Variants in PRKCE observed in about 807,000 individuals in gnomAD.
PRKCE encodes the protein protein kinase C epsilon, also known as protein kinase C epsilon type.
PRKCE carries 16 observed loss-of-function variants against 85.4 expected under a neutral mutation model. The observed-to-expected ratio is 0.19, with a 90% CI of 0.13 to 0.28. The LOEUF (loss-of-function observed/expected upper bound fraction) is 0.28, where lower values mean the gene tolerates loss of function less well. Ranked by LOEUF, PRKCE falls within the 10% of genes least tolerant of loss-of-function variation. PRKCE has a pLI of 1.00. For synonymous variants in PRKCE, 388 were observed against 371.5 expected (o/e 1.04, Z -0.51); for missense variants, 573 against 975.2 (o/e 0.59, Z 5.49).
At chr2:45,709,250 G>A (rs1679395046) in intron 1 of PRKCE, among the ~76,000 whole-genome samples, 1 of 152,232 alleles carries the variant, frequency 6.6e-6, no homozygotes, top group Non-Finnish European at 1.5e-5. Flanking sequence ...AGCATACCGG[G>A]CAGACCCAGC....
chr2:46,105,585 G>A (rs1429492963), intron 11 of PRKCE, among the ~76,000 whole-genome samples: 1 of 151,804 alleles, frequency 6.6e-6, no homozygotes, highest in Non-Finnish European at 1.5e-5. Flanking sequence ...TGACTTTTGG[G>A]AACACTTCCA....
intron 12 of PRKCE, among the ~76,000 whole-genome samples, chr2:46,149,619 A>C (rs1558504535): frequency 6.6e-6 from 1 of 151,244 alleles, no homozygotes; most frequent in South Asian, 2.1e-4. Context: ...TTTTAAAGGC[A>C]TACTGTAAAA....
intron 2 of PRKCE, among the ~76,000 whole-genome samples, chr2:45,963,918 G>A (rs1036442085): frequency 6.6e-6 from 1 of 152,242 alleles, no homozygotes; most frequent in Non-Finnish European, 1.5e-5. Flanking sequence ...GTGCAGGCAC[G>A]TACCTTTGAG....
intron 6 of PRKCE, among the ~76,000 whole-genome samples, chr2:45,992,184 G>A (rs1186773084): frequency 6.6e-6 from 1 of 152,130 alleles, no homozygotes; most frequent in African/African-American, 2.4e-5. Context: ...AATGCCACAG[G>A]AGTGCTTTGG....
intron 10 of PRKCE, among the ~76,000 whole-genome samples, chr2:46,036,118 C>T (rs1344981171): frequency 6.6e-6 from 1 of 152,166 alleles, no homozygotes; most frequent in Non-Finnish European, 1.5e-5. Context: ...GTGTCCCTGG[C>T]AGATCGAGTG....
chr2:45,695,840 G>C (rs1318734909), intron 1 of PRKCE, among the ~76,000 whole-genome samples: 1 of 152,222 alleles, frequency 6.6e-6, no homozygotes, highest in Non-Finnish European at 1.5e-5. Flanking sequence ...ATGGGGAAGA[G>C]GGTGGAGAGC....
At chr2:45,761,683 G>A (rs1684515747) in intron 1 of PRKCE, among the ~76,000 whole-genome samples, 1 of 152,000 alleles carries the variant, frequency 6.6e-6, no homozygotes, top group South Asian at 2.1e-4. Context: ...CTCCTCTCTG[G>A]CCACAGTCTT....
chr2:46,118,930 T>C (rs1003824510), intron 11 of PRKCE, among the ~76,000 whole-genome samples: 1 of 152,112 alleles, frequency 6.6e-6, no homozygotes, highest in South Asian at 2.1e-4. Flanking sequence ...CTGCAACAGA[T>C]GGAGCAAAAG....
intron 3 of PRKCE, chr2:45,978,707 T>C (rs1466162031): frequency 2.5e-6 from 1 of 394,024 alleles, no homozygotes; most frequent in African/African-American, 2.1e-5. Flanking sequence ...AGAACATTGC[T>C]GACCACACAG....
At chr2:46,066,403 T>C (rs1037394238) in intron 10 of PRKCE, among the ~76,000 whole-genome samples, 3 of 152,154 alleles carry the variant, frequency 2.0e-5, no homozygotes, top group South Asian at 2.1e-4. Flanking sequence ...TGAAAATAGA[T>C]AGGTAGAGGT....
intron 10 of PRKCE, among the ~76,000 whole-genome samples, chr2:46,020,918 C>T (rs1706596941): frequency 6.6e-6 from 1 of 152,224 alleles, no homozygotes; most frequent in African/African-American, 2.4e-5. Context: ...ATCAATCTTA[C>T]CCAAGTCCCA....
intron 12 of PRKCE, among the ~76,000 whole-genome samples, chr2:46,148,836 G>C (rs1448606979): frequency 6.6e-6 from 1 of 152,228 alleles, no homozygotes; most frequent in African/African-American, 2.4e-5. Flanking sequence ...GTTGGGCGCT[G>C]TGTCTTTTGA....
intron 1 of PRKCE, chr2:45,701,407 C>T (rs1572986985): frequency 6.6e-6 from 1 of 152,130 alleles, no homozygotes; most frequent in African/African-American, 2.4e-5. Context: ...CCTTTACTTA[C>T]CTGTGCTGAA....
chr2:45,927,754 A>T (rs1047555366), intron 2 of PRKCE, among the ~76,000 whole-genome samples: 1 of 152,270 alleles, frequency 6.6e-6, no homozygotes, highest in Non-Finnish European at 1.5e-5. Context: ...CATTAAATAG[A>T]TAAACACATA....
chr2:46,159,888 G>C lies in PRKCE; in HGVS notation c.2067+136G>C. 8.7e-7 allele frequency: 1 copy of C among 1,150,466 alleles called. No individual in the cohort carries two copies. The highest frequency in any genetic ancestry group is 1.2e-6 in the Non-Finnish European group (1 of 824,182). 71.3% of individuals were successfully genotyped at this position (1,150,466 alleles called of 1,614,324 possible). ...ATGACAAAGACCAGAGGTGGCTGAG[G>C]CTCTCCCTAAGACAATGTCTTTAGG... On this transcript the variant is annotated intron_variant, in intron 14 of 14. Transcript: ENST00000306156. This position sits in a 1 kb window ranked among gnomAD's most constrained non-coding sequence, Gnocchi z 4.1.
intron 6 of PRKCE, among the ~76,000 whole-genome samples, chr2:45,995,685 T>G (rs1177622867): frequency 2.0e-5 from 3 of 152,256 alleles, no homozygotes; most frequent in Non-Finnish European, 4.4e-5. Context: ...CTGTCTGTTC[T>G]GTTCCATTGA....
chr2:46,072,560 G>A (rs1341775430), intron 10 of PRKCE, among the ~76,000 whole-genome samples: 1 of 152,116 alleles, frequency 6.6e-6, no homozygotes, highest in Non-Finnish European at 1.5e-5. Context: ...AACACGGTCG[G>A]GACCTTCAGG....
At chr2:46,036,085 C>T (rs531212329) in intron 10 of PRKCE, among the ~76,000 whole-genome samples, 4 of 152,336 alleles carry the variant, frequency 2.6e-5, no homozygotes, top group Admixed American at 6.5e-5. Flanking sequence ...GAGGAGCCGG[C>T]CACTCATATG....
At chr2:46,052,956 C>A (rs140761457) in intron 10 of PRKCE, among the ~76,000 whole-genome samples, 1 of 152,194 alleles carries the variant, frequency 6.6e-6, no homozygotes, top group African/African-American at 2.4e-5. Context: ...GCTCTCACAC[C>A]ATACACAAAA....
Sources: gnomAD v4.1 joint callset for allele counts (sites outside exome capture counted in the v4.1 genomes callset) on GRCh38, gnomAD v4.1.1 for gene constraint, Gnocchi (gnomAD v3.1) non-coding constraint, MANE v1.5 for transcripts, NCBI Gene and HGNC (gene_info 2026-07-23, HGNC 2026-07-21) for gene names.